The following TRIM22 variants were observed in gnomAD, a reference collection of about 807,000 sequenced individuals.
TRIM22 encodes the protein E3 ubiquitin-protein ligase TRIM22.
Under a neutral mutation model 53.6 loss-of-function variants are expected in TRIM22, and 45 were observed. The ratio of observed to expected loss-of-function variants is 0.84; its 90% CI spans 0.66 to 1.08. TRIM22 has a LOEUF of 1.08. TRIM22 is among the 50% of genes least tolerant of loss of function. The pLI is 0.00. For synonymous variants in TRIM22, 225 were observed against 216.6 expected (o/e 1.04, Z -0.34); for missense variants, 616 against 590.9 (o/e 1.04, Z -0.44).
chr11:5,693,060 A>AT (rs1372340251), intron 1 of TRIM22, among the ~76,000 whole-genome samples: 35 of 150,804 alleles, frequency 2.3e-4, no homozygotes, highest in East Asian at 5.9e-4. Context: ...ATATATATAT[A>AT]TTTTTTAGTA....
At chr11:5,707,107 T>C (rs150289276) in intron 5 of TRIM22, among the ~76,000 whole-genome samples, 1 of 152,216 alleles carries the variant, frequency 6.6e-6, no homozygotes, top group East Asian at 1.9e-4. Context: ...GGTGCTAGCA[T>C]AACCTTTTCT....
Position 5,706,631 on chromosome 11 carries a change from G to T in TRIM22, c.773+15G>T. The T allele has an allele frequency of 6.2e-7, 1 of 1,603,908 alleles. No homozygotes were observed. Among genetic ancestry groups the T allele is most frequent in the South Asian group, 1.1e-5 (1 of 89,784 alleles). ...GTCATGAAAAGGTATATGTGGAAGA[G>T]AGATGTGGTCTTATTTGTCTGAAAA... On this transcript the variant is annotated intron_variant, in intron 5 of 7. Coordinates refer to ENST00000379965, the MANE Select transcript of TRIM22 (RefSeq NM_006074.5).
In TRIM22 at chr11:5,706,581, A is replaced by G. The variant is rs772744919; in HGVS notation, c.751-13A>G. On this transcript the variant is annotated splice_polypyrimidine_tract_variant and intron_variant, in intron 4 of 7. Transcript: ENST00000379965. ...AACCCTATCTTGACTCATGTTTTCT[A>G]TCTTTTCCCCAGGATGTGATTGACG... The G allele has an allele frequency of 2.2e-5, 35 of 1,612,056 alleles. No individual in the cohort carries two copies. The highest frequency in any genetic ancestry group is 1.2e-4 in the African/African-American group (9 of 74,876).
intron 6 of TRIM22, 62 bp downstream of exon 6, chr11:5,708,335 A>G: frequency 6.7e-7 from 1 of 1,494,784 alleles, no homozygotes; most frequent in Admixed American, 1.7e-5. Context: ...TCAATAGGGA[A>G]GCGGGAGGTT....
intron 4 of TRIM22, among the ~76,000 whole-genome samples, chr11:5,705,194 T>C (rs761089898): frequency 2.0e-5 from 3 of 152,198 alleles, no homozygotes; most frequent in Non-Finnish European, 4.4e-5. Context: ...TTTTAAGATA[T>C]ATACTTGACT....
At chr11:5,698,666 C>T in intron 4 of TRIM22, 121 bp downstream of exon 4, 1 of 763,050 alleles carries the variant, frequency 1.3e-6, no homozygotes, top group South Asian at 1.8e-5. Flanking sequence ...GTTCCTTTGG[C>T]CCGGCATGCC....
chr11:5,708,365 G>C (rs1853497834), intron 6 of TRIM22, 92 bp downstream of exon 6: 2 of 1,212,616 alleles, frequency 1.6e-6, no homozygotes, highest in Non-Finnish European at 2.4e-6. Context: ...TAGGATATAG[G>C]AGAGGAGGTG....
rs766265610 is a variant in TRIM22, at chr11:5,709,436, C to T, written c.1285C>T (p.Pro429Ser). The T allele has an allele frequency of 1.1e-5, 17 of 1,614,046 alleles. No individual in the cohort carries two copies. In the African/African-American group the frequency reaches 1.3e-4, roughly 13 times the overall value. ...TTTTGAGGACTCCTCCTCTTCTGAT[C>T]CCAAGGTTTTGACTCTCTTTATGGC... ...NAFEDSSSSDPKVLTLFMAVP... is the reference protein window; with the variant it reads ...NAFEDSSSSDSKVLTLFMAVP... Residue 429 changes from proline (P) to serine (S), a missense_variant, in exon 8 of 8, where the codon CCC becomes TCC. Coordinates refer to ENST00000379965, the MANE Select transcript of TRIM22 (RefSeq NM_006074.5).
rs1564942059 is a variant in TRIM22, at chr11:5,701,673, CA to C, written c.750+3135del. 2.0e-5 allele frequency among the ~76,000 whole-genome samples: 3 copies of C among 152,140 alleles called. No individual in the cohort carries two copies. The South Asian group carries it at 6.2e-4, about 32-fold the overall frequency. ...AAACTTTATAACTTAAAACCTCATA[CA>C]AAAAAATTGTCTCATAGTTCTGAAA... On this transcript the variant is annotated intron_variant, in intron 4 of 7. Coordinates refer to ENST00000379965, the MANE Select transcript of TRIM22 (RefSeq NM_006074.5).
intron 1 of TRIM22, among the ~76,000 whole-genome samples, chr11:5,690,125 C>A (rs1008133610): frequency 6.6e-6 from 1 of 152,138 alleles, no homozygotes; most frequent in Non-Finnish European, 1.5e-5. Context: ...TTGCTTGTTT[C>A]CTAGAGGGAC....
rs145931632 is a variant in TRIM22, at chr11:5,699,608, C to T, written c.750+1063C>T. Reference sequence around the variant, plus strand: ...TGTTTATGTATAAGTTTTAAGTTGTCGTACTATTTTCCAAAGTTGTTACTC... The same window carrying T: ...TGTTTATGTATAAGTTTTAAGTTGTTGTACTATTTTCCAAAGTTGTTACTC... On this transcript the variant is annotated intron_variant, in intron 4 of 7. Transcript: ENST00000379965. Among the ~76,000 whole-genome samples, 24 of 132,586 alleles carry T rather than the reference C, an allele frequency of 1.8e-4. No homozygotes were observed. The East Asian group carries it at 5.7e-3, about 32-fold the overall frequency. The allele number at this position is 132,586 out of a possible 152,430, so 87.0% of individuals were successfully genotyped here.
intron 1 of TRIM22, among the ~76,000 whole-genome samples, chr11:5,690,778 A>C (rs2134168809): frequency 6.6e-6 from 1 of 152,308 alleles, no homozygotes; most frequent in South Asian, 2.1e-4. Context: ...CTTTCTCCCG[A>C]AGAAGCCTGT....
At chr11:5,697,870 A>AT (rs1380905164) in intron 3 of TRIM22, 2 of 173,476 alleles carry the variant, frequency 1.2e-5, no homozygotes, top group Non-Finnish European at 2.5e-5. Context: ...TGCCCAGCTA[A>AT]TTTTTTGTAT....
intron 4 of TRIM22, among the ~76,000 whole-genome samples, chr11:5,700,322 C>T (rs538990574): frequency 1.2e-3 from 186 of 152,116 alleles, no homozygotes; most frequent in African/African-American, 4.2e-3. Context: ...ACTGTGTTGC[C>T]CAGGCTGGTC....
In TRIM22 at chr11:5,706,520, T is replaced by C. The variant is rs982522730; in HGVS notation, c.751-74T>C. 29 of 1,449,386 alleles carry C rather than the reference T, an allele frequency of 2.0e-5. No homozygotes were observed. The African/African-American group carries it at 3.0e-4, about 15-fold the overall frequency. The allele number at this position is 1,449,386 out of a possible 1,614,324, so 89.8% of individuals were successfully genotyped here. The stretch of plus-strand genomic sequence containing the variant: ...AAAATATATTGTTTATCCCAAATTC[T>C]AATTGAACTAGCCACTTTTATGTTC... On this transcript the variant is annotated intron_variant, in intron 4 of 7. Coordinates refer to ENST00000379965, the MANE Select transcript of TRIM22 (RefSeq NM_006074.5).
chr11:5,708,431 T>C, intron 6 of TRIM22, 146 bp from the exon 7 acceptor site: 1 of 975,292 alleles, frequency 1.0e-6, no homozygotes, highest in Non-Finnish European at 1.5e-6. Flanking sequence ...TTAGGGGGAA[T>C]GACCAGGTGT....
At position 5,696,248 on chromosome 11, in the gene TRIM22, A is replaced by G. The variant is rs1853256208; in HGVS notation, c.16A>G (p.Lys6Glu). MDFSV[K>E]VDIEKEVTCP... ...GAGCAGTGCAATGGATTTCTCAGTA[A>G]AGGTAGACATAGAGAAGGAGGTGAC... is the stretch of plus-strand genomic sequence containing the variant. Residue 6 changes from lysine (K) to glutamate (E), a missense_variant, in exon 2 of 8, where the codon AAG becomes GAG. Transcript: ENST00000379965. 1.9e-6 allele frequency: 3 copies of G among 1,610,576 alleles called. No homozygotes were observed. The highest frequency in any genetic ancestry group is 1.1e-5 in the South Asian group (1 of 90,562).
chr11:5,698,420 G>A lies in TRIM22; in HGVS notation c.625G>A (p.Glu209Lys). Residue 209 changes from glutamate to lysine, a missense_variant, in exon 4 of 8, where the codon GAG (glutamate) becomes AAG (lysine). Coordinates refer to ENST00000379965, the MANE Select transcript of TRIM22 (RefSeq NM_006074.5). ...QRELQKLEEG[E>K]VNVLDNLAAA... is the part of the protein sequence containing the mutation. The stretch of plus-strand genomic sequence containing the variant: ...AGAGCTGCAAAAGCTGGAGGAAGGT[G>A]AGGTGAATGTGCTGGATAACCTGGC... 2 of 1,614,200 alleles carry A rather than the reference G, an allele frequency of 1.2e-6. No homozygotes were observed. The highest frequency in any genetic ancestry group is 1.1e-5 in the South Asian group (1 of 91,088).
chr11:5,696,803 T>C, intron 2 of TRIM22, 148 bp downstream of exon 2: 1 of 858,562 alleles, frequency 1.2e-6, no homozygotes, highest in Non-Finnish European at 1.7e-6. Context: ...GCTTAGTTTC[T>C]GATGCCTGAA....
Sources: gnomAD v4.1 joint callset for allele counts (sites outside exome capture counted in the v4.1 genomes callset) on GRCh38, gnomAD v4.1.1 for gene constraint, MANE v1.5 for transcripts, NCBI Gene and HGNC (gene_info 2026-07-23, HGNC 2026-07-21) for gene names.